Variants in EYS observed in about 807,000 individuals in gnomAD.
EYS encodes protein eyes shut homolog.
A neutral mutation model predicts 282.1 loss-of-function variants in EYS; 250 were observed. That is an observed-to-expected ratio of 0.89 (90% CI 0.80 to 0.98). EYS has a LOEUF of 0.98. Among genes scored for constraint, EYS ranks in the 50% least tolerant of loss-of-function variants. The pLI is 0.00. For synonymous variants in EYS, 1,355 were observed against 1,282.9 expected, an observed-to-expected ratio of 1.06 and a Z score of -1.20; for missense variants, 4,016 against 3,709.0, an observed-to-expected ratio of 1.08 and a Z score of -2.15.
chr6:65,348,195 G>T (rs904968471), intron 9 of EYS, among the ~76,000 whole-genome samples: 3 of 151,710 alleles, frequency 2.0e-5, no homozygotes, highest in African/African-American at 4.8e-5. Context: ...AGTAAACATG[G>T]AAGTGCAGAT....
At chr6:65,425,829 T>C (rs556054943) in intron 5 of EYS, among the ~76,000 whole-genome samples, 1 of 152,236 alleles carries the variant, frequency 6.6e-6, no homozygotes, top group South Asian at 2.1e-4. Flanking sequence ...GAGCACTTTA[T>C]GGCTTTATGA....
At chr6:63,861,803 T>C (rs1772537713) in intron 36 of EYS, among the ~76,000 whole-genome samples, 1 of 152,184 alleles carries the variant, frequency 6.6e-6, no homozygotes, top group Non-Finnish European at 1.5e-5. Context: ...GAGACTGCTG[T>C]CTATGAGCCA....
intron 26 of EYS, among the ~76,000 whole-genome samples, chr6:64,560,408 TAA>T (rs1765358549): frequency 2.0e-5 from 3 of 152,224 alleles, no homozygotes; most frequent in South Asian, 2.1e-4. Context: ...ACAATAATTA[TAA>T]GTTAGGTGTT....
At chr6:65,034,271 C>T (rs1257213397) in intron 13 of EYS, among the ~76,000 whole-genome samples, 3 of 152,104 alleles carry the variant, frequency 2.0e-5, no homozygotes, top group Non-Finnish European at 4.4e-5. Context: ...AAACTTTGTA[C>T]TTTGAGTTAA....
At chr6:64,276,278 A>G (rs1173412729) in intron 30 of EYS, among the ~76,000 whole-genome samples, 3 of 152,238 alleles carry the variant, frequency 2.0e-5, no homozygotes, top group East Asian at 3.8e-4. Context: ...GATACCTTCT[A>G]TAATTAGGTA....
chr6:64,581,706 T>A (rs2149824761), intron 26 of EYS, among the ~76,000 whole-genome samples: 1 of 152,232 alleles, frequency 6.6e-6, no homozygotes, highest in South Asian at 2.1e-4. Flanking sequence ...GCCCTTACGT[T>A]GTACTCGAGT....
intron 22 of EYS, among the ~76,000 whole-genome samples, chr6:64,647,462 T>A (rs1268254122): frequency 6.6e-6 from 1 of 152,162 alleles, no homozygotes; most frequent in Non-Finnish European, 1.5e-5. Context: ...TTCATTATGT[T>A]CATGAAGAAT....
chr6:65,562,117 C>A (rs990909568), intron 2 of EYS, among the ~76,000 whole-genome samples: 4 of 151,498 alleles, frequency 2.6e-5, no homozygotes, highest in Non-Finnish European at 4.4e-5. Context: ...TTAGTAAAGA[C>A]AAGAAAAAAT....
chr6:65,642,953 C>T (rs931305887), intron 1 of EYS, among the ~76,000 whole-genome samples: 1 of 152,192 alleles, frequency 6.6e-6, no homozygotes, highest in Admixed American at 6.5e-5. Context: ...ACAGACAGAG[C>T]AGTGTGTGAA....
intron 34 of EYS, among the ~76,000 whole-genome samples, chr6:63,986,411 C>A (rs1245257844): frequency 6.6e-6 from 1 of 151,804 alleles, no homozygotes; most frequent in East Asian, 1.9e-4. Flanking sequence ...GCCCAGCAAT[C>A]CCATTACTGG....
intron 22 of EYS, among the ~76,000 whole-genome samples, chr6:64,646,748 T>C (rs1768367757): frequency 6.7e-6 from 1 of 150,286 alleles, no homozygotes; most frequent in Admixed American, 6.7e-5. Context: ...GAGCTTGCAG[T>C]AAGCTGAGAT....
At chr6:65,463,277 G>A (rs1264557520) in intron 5 of EYS, among the ~76,000 whole-genome samples, 1 of 151,936 alleles carries the variant, frequency 6.6e-6, no homozygotes, top group Admixed American at 6.6e-5. Flanking sequence ...TGTTTCTTTT[G>A]TCTACAACTT....
At chr6:65,650,545 T>C (rs1265491985) in intron 1 of EYS, among the ~76,000 whole-genome samples, 2 of 152,226 alleles carry the variant, frequency 1.3e-5, no homozygotes, top group African/African-American at 2.4e-5. Context: ...GTGGCTTTAC[T>C]GTCATTTATG....
At chr6:63,875,084 T>G (rs1471010211) in intron 35 of EYS, among the ~76,000 whole-genome samples, 1 of 152,212 alleles carries the variant, frequency 6.6e-6, no homozygotes, top group Non-Finnish European at 1.5e-5. Context: ...TTTTTGCCCA[T>G]TCAGTATGAT....
At chr6:64,498,506 G>T (rs2150510368) in intron 26 of EYS, among the ~76,000 whole-genome samples, 1 of 151,688 alleles carries the variant, frequency 6.6e-6, no homozygotes, top group Non-Finnish European at 1.5e-5. Flanking sequence ...TGCAGAACAT[G>T]CAGGTTTGTT....
At chr6:64,348,530 T>C (rs978086474) in intron 29 of EYS, among the ~76,000 whole-genome samples, 1 of 151,494 alleles carries the variant, frequency 6.6e-6, no homozygotes, top group African/African-American at 2.4e-5. Flanking sequence ...TGTTTCATTC[T>C]GTGGTAAAGT....
At chr6:64,038,275 C>T (rs539132097) in intron 33 of EYS, among the ~76,000 whole-genome samples, 5 of 152,006 alleles carry the variant, frequency 3.3e-5, no homozygotes, top group African/African-American at 9.6e-5. Context: ...CAGTTAGTAA[C>T]GATATATCAT....
intron 5 of EYS, among the ~76,000 whole-genome samples, chr6:65,405,687 T>C (rs1766706126): frequency 6.6e-6 from 1 of 152,058 alleles, no homozygotes; most frequent in Non-Finnish European, 1.5e-5. Context: ...AAAGGTATGA[T>C]GGAGTATTTG....
At chr6:64,915,523 G>A (rs1414178351) in intron 15 of EYS, among the ~76,000 whole-genome samples, 1 of 152,044 alleles carries the variant, frequency 6.6e-6, no homozygotes, top group Non-Finnish European at 1.5e-5. Context: ...AAGATTACAT[G>A]ACATGATGAA....
Sources: gnomAD v4.1 joint callset for allele counts (sites outside exome capture counted in the v4.1 genomes callset) on GRCh38, gnomAD v4.1.1 for gene constraint, MANE v1.5 for transcripts, NCBI Gene and HGNC (gene_info 2026-07-23, HGNC 2026-07-21) for gene names.